The following DIAPH2 variants were observed in gnomAD, a reference collection of about 807,000 sequenced individuals.
The protein encoded by DIAPH2 is diaphanous related formin 2.
A neutral mutation model predicts 92.7 loss-of-function variants in DIAPH2; 35 were observed. The ratio of observed to expected loss-of-function variants is 0.38; its 90% CI spans 0.29 to 0.50. The LOEUF is 0.50. Ranked by LOEUF, DIAPH2 falls within the 20% of genes least tolerant of loss-of-function variation. The probability of loss-of-function intolerance (pLI) is 0.94; values close to 1 mark genes in which losing one functional copy is unlikely to be tolerated. For synonymous variants in DIAPH2, 301 were observed against 280.4 expected, an observed-to-expected ratio of 1.07 and a Z score of -0.73; for missense variants, 701 against 819.5, an observed-to-expected ratio of 0.86 and a Z score of 1.77.
chrX:97,178,270 C>G (rs1293158800), intron 22 of DIAPH2, among the ~76,000 whole-genome samples: 4 of 109,584 alleles, frequency 3.7e-5, no homozygotes, highest in African/African-American at 1.3e-4. Context: ...GGGGCTTTCT[C>G]AGAGAATGGT....
At chrX:97,408,212 G>A (rs962097845) in intron 25 of DIAPH2, among the ~76,000 whole-genome samples, 1 of 111,148 alleles carries the variant, frequency 9.0e-6, no homozygotes, top group Non-Finnish European at 1.9e-5. Flanking sequence ...GGAGCTCTGT[G>A]GGTGTCAATT....
At chrX:96,731,911 A>G (rs1194253335) in intron 1 of DIAPH2, among the ~76,000 whole-genome samples, 1 of 111,927 alleles carries the variant, frequency 8.9e-6, no homozygotes, top group East Asian at 2.8e-4. Flanking sequence ...CCTCATTGTA[A>G]TGAGCATGAT....
intron 22 of DIAPH2, among the ~76,000 whole-genome samples, chrX:97,232,980 C>T (rs1269138300): frequency 1.8e-5 from 2 of 112,197 alleles, no homozygotes; most frequent in Non-Finnish European, 3.8e-5. Context: ...CTCCTGTTTA[C>T]AAATTATTTT....
chrX:97,466,973 TTTTTTC>T (rs1362792193), intron 26 of DIAPH2, among the ~76,000 whole-genome samples: 1 of 112,357 alleles, frequency 8.9e-6, no homozygotes, highest in African/African-American at 3.2e-5. Flanking sequence ...ATTGTGTATA[TTTTTTC>T]TTTTTCTGTG....
intron 4 of DIAPH2, among the ~76,000 whole-genome samples, chrX:96,831,887 G>C (rs1194128149): frequency 9.0e-6 from 1 of 111,401 alleles, no homozygotes; most frequent in Non-Finnish European, 1.9e-5. Context: ...GCGAAAGGAA[G>C]TAGAATATTC....
At chrX:97,509,436 CTTTT>C (rs58597380) in intron 26 of DIAPH2, among the ~76,000 whole-genome samples, 1 of 40,368 alleles carries the variant, frequency 2.5e-5, no homozygotes, top group African/African-American at 1.9e-4. Flanking sequence ...CCTGTGTGTT[CTTTT>C]TTTTTTTTTT....
In DIAPH2 at chrX:97,016,532, G is replaced by A. The variant is rs182456037; in HGVS notation, c.2050+51325G>A. On this transcript the variant is annotated intron_variant, in intron 17 of 26. Coordinates refer to ENST00000324765, the MANE Select transcript of DIAPH2 (RefSeq NM_006729.5). ...GTCTGTATAAAACGTTGGTCATGTTGATGGAGTTTATGCTTTCTCTCTTCA... is the reference window on the plus strand; with the variant it reads ...GTCTGTATAAAACGTTGGTCATGTTAATGGAGTTTATGCTTTCTCTCTTCA... 3.6e-5 allele frequency among the ~76,000 whole-genome samples: 4 copies of A among 112,071 alleles called. No homozygotes were observed. In the East Asian group the frequency reaches 1.1e-3, roughly 31 times the overall value.
At chrX:96,997,836 C>T (rs902764395) in intron 17 of DIAPH2, among the ~76,000 whole-genome samples, 1 of 111,821 alleles carries the variant, frequency 8.9e-6, no homozygotes, top group Admixed American at 9.5e-5. Context: ...ATTGTGATCA[C>T]GATCATTTTG....
At chrX:97,137,295 A>ATATATATG (rs2067179173) in intron 21 of DIAPH2, among the ~76,000 whole-genome samples, 2 of 97,380 alleles carry the variant, frequency 2.1e-5, no homozygotes, top group Non-Finnish European at 4.0e-5. Flanking sequence ...ATATATATAT[A>ATATATATG]TATATATGTA....
chrX:96,806,085 C>T (rs2064622038), intron 4 of DIAPH2, among the ~76,000 whole-genome samples: 1 of 111,307 alleles, frequency 9.0e-6, no homozygotes, highest in African/African-American at 3.3e-5. Flanking sequence ...GAATAGCGAG[C>T]TCTTAGTTTG....
chrX:96,876,535 A>G (rs1268426252), intron 4 of DIAPH2, among the ~76,000 whole-genome samples: 1 of 112,222 alleles, frequency 8.9e-6, no homozygotes, highest in East Asian at 2.8e-4. Flanking sequence ...CATAGACTGG[A>G]TTAAGGAAAT....
At chrX:96,741,679 T>A (rs1246938147) in intron 3 of DIAPH2, among the ~76,000 whole-genome samples, 1 of 110,152 alleles carries the variant, frequency 9.1e-6, no homozygotes, top group Non-Finnish European at 1.9e-5. Flanking sequence ...AGACCAGGTC[T>A]TGCTACATTG....
intron 3 of DIAPH2, among the ~76,000 whole-genome samples, chrX:96,751,707 G>A (rs371117954): frequency 3.5e-5 from 2 of 57,420 alleles, no homozygotes; most frequent in African/African-American, 1.3e-4. Flanking sequence ...AGGCTGGAGT[G>A]CAGTGGCGGG....
At chrX:97,365,682 CTTTT>C (rs1196412940) in intron 24 of DIAPH2, among the ~76,000 whole-genome samples, 4 of 104,307 alleles carry the variant, frequency 3.8e-5, no homozygotes, top group African/African-American at 1.4e-4. Flanking sequence ...TTCTTTCTTT[CTTTT>C]TTTTTTCATT....
At chrX:97,584,052 C>T (rs981063851) in intron 26 of DIAPH2, among the ~76,000 whole-genome samples, 45 of 112,597 alleles carry the variant, frequency 4.0e-4, no homozygotes, top group African/African-American at 1.2e-3. Flanking sequence ...TGCGTGCACC[C>T]ACTGACCTGC....
intron 22 of DIAPH2, among the ~76,000 whole-genome samples, chrX:97,184,031 G>A (rs5921547): frequency 0.14 from 16,015 of 111,637 alleles, 1,749 homozygotes; most frequent in African/African-American, 0.38. Context: ...TATTTGACCA[G>A]TATTTATAAT....
Position 97,599,465 on chromosome X carries a change from T to TAATA in DIAPH2, c.*149_*152dup, listed in dbSNP as rs1055568522. On this transcript the variant is annotated 3_prime_UTR_variant, in exon 27 of 27. Transcript: ENST00000324765. ...AGCTGGATGAAGTAGTGTGCATTTGTAATACTATTGCAAGACTCCTCCCAC... is the reference window on the plus strand; with the variant it reads ...AGCTGGATGAAGTAGTGTGCATTTGTAATAAATACTATTGCAAGACTCCTCCCAC... 5 of 341,650 alleles carry TAATA rather than the reference T, an allele frequency of 1.5e-5. No homozygotes were observed. Among genetic ancestry groups the TAATA allele is most frequent in the African/African-American group, 1.3e-4 (5 of 37,509 alleles). 28.2% of individuals were successfully genotyped at this position (341,650 alleles called of 1,213,427 possible).
At chrX:96,841,655 T>A (rs1400667062) in intron 4 of DIAPH2, among the ~76,000 whole-genome samples, 1 of 111,793 alleles carries the variant, frequency 8.9e-6, no homozygotes, top group African/African-American at 3.3e-5. Context: ...TACCTATCAT[T>A]TCCTTTTGTT....
rs775595453 is a variant in DIAPH2, at chrX:96,846,390, G to T, written c.448-35189G>T. 5.4e-5 allele frequency among the ~76,000 whole-genome samples: 6 copies of T among 111,613 alleles called. No individual in the cohort carries two copies. In the East Asian group the frequency reaches 1.7e-3, roughly 31 times the overall value. On this transcript the variant is annotated intron_variant, in intron 4 of 26. Transcript: ENST00000324765. Reference sequence around the variant, plus strand: ...TCAAACTCCTGACCTCAGGTGATCCGCCCCCACTTGGCCTCCCAAAGTGCT... The same window carrying T: ...TCAAACTCCTGACCTCAGGTGATCCTCCCCCACTTGGCCTCCCAAAGTGCT...
Sources: allele counts gnomAD v4.1 joint callset (sites outside exome capture counted in the v4.1 genomes callset), GRCh38; gene constraint gnomAD v4.1.1; transcripts MANE v1.5; gene names NCBI Gene and HGNC (gene_info 2026-07-23, HGNC 2026-07-21).